Variants in KDM2A observed in about 807,000 individuals in gnomAD.
The protein encoded by KDM2A is lysine demethylase 2A, also known as lysine-specific demethylase 2A.
KDM2A carries 3 observed loss-of-function variants against 137.3 expected under a neutral mutation model. That is an observed-to-expected ratio of 0.02 (90% CI 0.01 to 0.06). KDM2A has a LOEUF of 0.06. Ranked by LOEUF, KDM2A falls within the 10% of genes least tolerant of loss-of-function variation. KDM2A has a pLI of 1.00. For missense variants in KDM2A, 738 were observed against 1,510.6 expected (o/e 0.49, Z 8.48); for synonymous variants, 512 against 541.5 (o/e 0.95, Z 0.76).
chr11:67,170,930 G>A (rs997476593), intron 2 of KDM2A, among the ~76,000 whole-genome samples: 1 of 152,074 alleles, frequency 6.6e-6, no homozygotes, highest in Non-Finnish European at 1.5e-5. Context: ...AAAGTACCTG[G>A]GTTCTAGATC....
At chr11:67,162,606 A>G (rs965293783) in intron 2 of KDM2A, among the ~76,000 whole-genome samples, 2 of 152,072 alleles carry the variant, frequency 1.3e-5, no homozygotes, top group African/African-American at 2.4e-5. Context: ...GGGTTTCACT[A>G]TGTTGGCCAG....
chr11:67,145,529 G>A (rs1434605547), intron 2 of KDM2A, among the ~76,000 whole-genome samples: 1 of 151,544 alleles, frequency 6.6e-6, no homozygotes, highest in Non-Finnish European at 1.5e-5. Context: ...TCCCTTTGAG[G>A]GGGAATATGG....
chr11:67,229,450 G>T (rs1858643447), intron 11 of KDM2A, among the ~76,000 whole-genome samples: 1 of 152,192 alleles, frequency 6.6e-6, no homozygotes, highest in Non-Finnish European at 1.5e-5. Flanking sequence ...AAACTGGTGA[G>T]GACTCAACAC....
chr11:67,255,337 G>A lies in KDM2A; in HGVS notation c.*282G>A, dbSNP rs1167361210. On this transcript the variant is annotated 3_prime_UTR_variant, in exon 21 of 21. Coordinates refer to ENST00000529006, the MANE Select transcript of KDM2A (RefSeq NM_012308.3). ...CGCCTGCTCGCTTACTCGCCTGCCAGGAGGCCGGGCTCTCAGTTTGGGGTG... is the reference window on the plus strand; with the variant it reads ...CGCCTGCTCGCTTACTCGCCTGCCAAGAGGCCGGGCTCTCAGTTTGGGGTG... 2.1e-6 allele frequency: 1 copy of A among 485,044 alleles called. No individual in the cohort carries two copies. Among genetic ancestry groups the A allele is most frequent in the Non-Finnish European group, 3.9e-6 (1 of 259,546 alleles). The allele number at this position is 485,044 out of a possible 1,614,324, so 30.0% of individuals were successfully genotyped here. A position where few individuals can be genotyped will look rare whatever the true frequency, so the allele number is the denominator to read the frequency against.
intron 2 of KDM2A, among the ~76,000 whole-genome samples, chr11:67,163,319 T>G (rs773674137): frequency 1.3e-5 from 2 of 152,200 alleles, no homozygotes; most frequent in Non-Finnish European, 2.9e-5. Flanking sequence ...ATACAGTTGT[T>G]GAATTTCATA....
intron 2 of KDM2A, among the ~76,000 whole-genome samples, chr11:67,125,990 AATCCC>A (rs2136278680): frequency 6.6e-6 from 1 of 151,256 alleles, no homozygotes; most frequent in African/African-American, 2.4e-5. Flanking sequence ...TCACGCCTGT[AATCCC>A]AGCACTTCGG....
At chr11:67,220,267 C>T (rs938799714) in intron 10 of KDM2A, among the ~76,000 whole-genome samples, 1 of 152,184 alleles carries the variant, frequency 6.6e-6, no homozygotes, top group Non-Finnish European at 1.5e-5. Flanking sequence ...CCGCTTTGGC[C>T]TCCTAAAGTG....
chr11:67,132,607 G>A (rs1213336869), intron 2 of KDM2A, among the ~76,000 whole-genome samples: 1 of 152,158 alleles, frequency 6.6e-6, no homozygotes, highest in Non-Finnish European at 1.5e-5. Context: ...TAATATAACA[G>A]TGATTTGGCC....
chr11:67,155,812 C>T (rs1264481266), intron 2 of KDM2A, among the ~76,000 whole-genome samples: 1 of 148,228 alleles, frequency 6.7e-6, no homozygotes, highest in Admixed American at 6.8e-5. Flanking sequence ...GACGGGGTTT[C>T]TCCATGTTGG....
At position 67,254,781 on chromosome 11, in the gene KDM2A, T is replaced by C. The variant is rs898699376; in HGVS notation, c.3308-93T>C. 13 of 1,218,760 alleles carry C rather than the reference T, an allele frequency of 1.1e-5. No individual in the cohort carries two copies. In the African/African-American group the frequency reaches 1.8e-4, roughly 17 times the overall value. The allele number at this position is 1,218,760 out of a possible 1,614,324, so 75.5% of individuals were successfully genotyped here. On this transcript the variant is annotated intron_variant, in intron 20 of 20. Coordinates refer to ENST00000529006, the MANE Select transcript of KDM2A (RefSeq NM_012308.3). This position sits in a 1 kb window ranked among gnomAD's most constrained non-coding sequence, Gnocchi z 4.7. ...TTGTGGGACAAAGAGGGCTTTTGTTTAGCATTTTGAAGGAAAGACGGCTAC... is the reference window on the plus strand; with the variant it reads ...TTGTGGGACAAAGAGGGCTTTTGTTCAGCATTTTGAAGGAAAGACGGCTAC...
rs542786567 is a variant in KDM2A, at chr11:67,253,851, G to A, written c.3091+240G>A. 5.9e-5 allele frequency among the ~76,000 whole-genome samples: 9 copies of A among 152,328 alleles called. 1 individual carries two copies. In the East Asian group the frequency reaches 1.3e-3, roughly 23 times the overall value. ...TGGTGGAGTTTGGGGCCCAGAGAGT[G>A]TAAGCCTGAAAAAGTCTGAGAAGGC... is the stretch of plus-strand genomic sequence containing the variant. On this transcript the variant is annotated intron_variant, in intron 19 of 20. Transcript: ENST00000529006.
chr11:67,247,037 TTA>T (rs59101290), intron 15 of KDM2A, among the ~76,000 whole-genome samples: 3,330 of 32,996 alleles, frequency 0.1, 292 homozygotes, highest in Non-Finnish European at 0.13. Flanking sequence ...ATAAATTATT[TTA>T]TATATATATA....
rs1285864197 is a variant in KDM2A, at chr11:67,212,480, A to C, written c.487-2860A>C. The stretch of plus-strand genomic sequence containing the variant: ...ACAAATAATACACATTTGTTTGGTG[A>C]TGGGGAAATAAGTTCATGGAAGGCT... On this transcript the variant is annotated intron_variant, in intron 6 of 20. Coordinates refer to ENST00000529006, the MANE Select transcript of KDM2A (RefSeq NM_012308.3). 3.3e-5 allele frequency among the ~76,000 whole-genome samples: 5 copies of C among 152,168 alleles called. No individual in the cohort carries two copies. In the East Asian group the frequency reaches 5.8e-4, roughly 18 times the overall value.
chr11:67,149,115 T>C (rs921238898), intron 2 of KDM2A: 1 of 152,178 alleles, frequency 6.6e-6, no homozygotes, highest in Non-Finnish European at 1.5e-5. Context: ...TGGCAAAAGT[T>C]AAAAAGTGTT....
intron 5 of KDM2A, among the ~76,000 whole-genome samples, chr11:67,189,892 A>G (rs1183997953): frequency 6.6e-6 from 1 of 152,172 alleles, no homozygotes. Flanking sequence ...CTTAAAATCA[A>G]CAACCTAACC....
At chr11:67,221,255 A>G (rs891385120) in intron 10 of KDM2A, among the ~76,000 whole-genome samples, 1 of 152,236 alleles carries the variant, frequency 6.6e-6, no homozygotes, top group Non-Finnish European at 1.5e-5. Context: ...GTTACTCTCA[A>G]GTAGCTTAGC....
At chr11:67,140,938 A>T (rs982102379) in intron 2 of KDM2A, among the ~76,000 whole-genome samples, 5 of 152,148 alleles carry the variant, frequency 3.3e-5, no homozygotes, top group Admixed American at 2.6e-4. Context: ...GAACTAGTTT[A>T]AAAAACGCTA....
chr11:67,252,144 A>G (rs933574219), intron 17 of KDM2A, among the ~76,000 whole-genome samples: 9 of 152,196 alleles, frequency 5.9e-5, no homozygotes, highest in Non-Finnish European at 1.3e-4. Flanking sequence ...TGAGGGTGAG[A>G]GAGGACTCTG....
intron 11 of KDM2A, among the ~76,000 whole-genome samples, chr11:67,228,663 G>A (rs1338394360): frequency 6.7e-6 from 1 of 149,370 alleles, no homozygotes; most frequent in Non-Finnish European, 1.5e-5. Flanking sequence ...TCTAGCCTGG[G>A]CGACAGAGTG....
Sources: allele counts gnomAD v4.1 joint callset (sites outside exome capture counted in the v4.1 genomes callset), GRCh38; gene constraint gnomAD v4.1.1; non-coding constraint Gnocchi (gnomAD v3.1); transcripts MANE v1.5; gene names NCBI Gene and HGNC (gene_info 2026-07-23, HGNC 2026-07-21).